The following ANK2 variants were observed in gnomAD, a reference collection of about 807,000 sequenced individuals.
ANK2 encodes the protein ankyrin 2, also known as ankyrin-2.
Under a neutral mutation model 360.5 loss-of-function variants are expected in ANK2, and 83 were observed. That is an observed-to-expected ratio of 0.23 (90% CI 0.19 to 0.28). The LOEUF is 0.28. Among genes scored for constraint, ANK2 ranks in the 10% least tolerant of loss-of-function variants. The pLI, the probability that ANK2 is intolerant of heterozygous loss-of-function variation, is 1.00. For missense variants in ANK2, 4,201 were observed against 4,795.7 expected (o/e 0.88, Z 3.66); for synonymous variants, 1,740 against 1,759.5 (o/e 0.99, Z 0.28).
intron 2 of ANK2, among the ~76,000 whole-genome samples, chr4:112,970,323 C>T (rs1321419461): frequency 1.3e-5 from 2 of 151,674 alleles, no homozygotes; most frequent in Non-Finnish European, 2.9e-5. Context: ...CATACATGCT[C>T]ATATATGTAA....
At chr4:113,192,863 T>C (rs549946654) in intron 2 of ANK2, among the ~76,000 whole-genome samples, 98 of 150,408 alleles carry the variant, frequency 6.5e-4, no homozygotes, top group African/African-American at 2.3e-3. Flanking sequence ...TTTTTTCTTC[T>C]CCCAGGCAAA....
intron 1 of ANK2, among the ~76,000 whole-genome samples, chr4:112,865,570 CAGTT>C (rs938974238): frequency 8.5e-5 from 13 of 152,122 alleles, no homozygotes; most frequent in South Asian, 6.2e-4. Flanking sequence ...GCTTACAAAA[CAGTT>C]AGGGAAAACA....
At chr4:113,162,839 T>C (rs1467352645) in intron 1 of ANK2, among the ~76,000 whole-genome samples, 1 of 151,984 alleles carries the variant, frequency 6.6e-6, no homozygotes, top group Admixed American at 6.6e-5. Flanking sequence ...CAGCGCCTGG[T>C]ACATAGTAGG....
intron 1 of ANK2, among the ~76,000 whole-genome samples, chr4:112,878,155 CATCTATCT>C (rs10525579): frequency 6.8e-6 from 1 of 147,642 alleles, no homozygotes; most frequent in South Asian, 2.2e-4. Context: ...ACTTTAGACT[CATCTATCT>C]ATCTATCTAT....
At chr4:112,938,528 C>A (rs2093947027) in intron 2 of ANK2, among the ~76,000 whole-genome samples, 1 of 152,002 alleles carries the variant, frequency 6.6e-6, no homozygotes, top group African/African-American at 2.4e-5. Flanking sequence ...TTGTTTTCCC[C>A]AAAATGATAT....
intron 2 of ANK2, among the ~76,000 whole-genome samples, chr4:112,939,109 T>C (rs940206658): frequency 3.3e-4 from 50 of 152,206 alleles, no homozygotes; most frequent in African/African-American, 1.2e-3. Flanking sequence ...AAAGTTAGTA[T>C]GCTAATATTG....
At chr4:112,739,841 A>G in the ANK2 span, among the ~76,000 whole-genome samples, 1 of 152,024 alleles carries the variant, frequency 6.6e-6, no homozygotes, top group Non-Finnish European at 1.5e-5. Flanking sequence ...GCGAAAACCC[A>G]TCTCTATTAA....
chr4:112,828,294 G>A (rs977973468), intron 1 of ANK2, among the ~76,000 whole-genome samples: 2 of 145,110 alleles, frequency 1.4e-5, no homozygotes, highest in Non-Finnish European at 3.0e-5. Context: ...GAGTGCAGTG[G>A]TATAATCTTG....
intron 1 of ANK2, among the ~76,000 whole-genome samples, chr4:113,061,585 C>T (rs866534826): frequency 3.3e-5 from 5 of 152,020 alleles, no homozygotes; most frequent in Admixed American, 6.6e-5. Flanking sequence ...CACGTACACA[C>T]GCACTTACAT....
At chr4:113,022,634 A>T (rs1280995699) in intron 2 of ANK2, among the ~76,000 whole-genome samples, 1 of 152,204 alleles carries the variant, frequency 6.6e-6, no homozygotes. Flanking sequence ...CTATTCTATT[A>T]ATCTTGCTGA....
At chr4:112,889,108 A>C (rs934026277) in intron 1 of ANK2, among the ~76,000 whole-genome samples, 4 of 152,170 alleles carry the variant, frequency 2.6e-5, no homozygotes, top group Non-Finnish European at 5.9e-5. Flanking sequence ...TCTCCTTAAA[A>C]ATCTCAATTT....
At chr4:112,821,220 A>T (rs1731827825) in intron 1 of ANK2, among the ~76,000 whole-genome samples, 1 of 151,626 alleles carries the variant, frequency 6.6e-6, no homozygotes, top group Non-Finnish European at 1.5e-5. Flanking sequence ...CGGCCCCTTA[A>T]ATGTTTTTTG....
chr4:113,238,748 C>T (rs1328087406), intron 7 of ANK2, among the ~76,000 whole-genome samples: 2 of 152,110 alleles, frequency 1.3e-5, no homozygotes, highest in African/African-American at 4.8e-5. Context: ...GAAACCCCTT[C>T]GTCTAATCCT....
the ANK2 span, among the ~76,000 whole-genome samples, chr4:112,743,989 T>G: frequency 1.3e-3 from 191 of 151,730 alleles, no homozygotes; most frequent in Non-Finnish European, 1.7e-3. Context: ...CCACCATGCC[T>G]GGCTAATTTT....
At chr4:113,376,670 T>C (rs757161653) in intron 45 of ANK2, among the ~76,000 whole-genome samples, 4 of 152,222 alleles carry the variant, frequency 2.6e-5, no homozygotes, top group Non-Finnish European at 4.4e-5. Flanking sequence ...TTGACTCTTT[T>C]GTAATAACAC....
At chr4:112,964,150 T>C (rs2036119197) in intron 2 of ANK2, among the ~76,000 whole-genome samples, 1 of 149,264 alleles carries the variant, frequency 6.7e-6, no homozygotes, top group South Asian at 2.2e-4. Flanking sequence ...ACGAGATACT[T>C]TGATACAGGC....
In ANK2 at chr4:113,174,463, G is replaced by A. The variant is rs150986299; in HGVS notation, c.132G>A (p.Leu44=). Residue 44 remains leucine (L), a synonymous_variant, in exon 2 of 46, where the codon CTG becomes CTA. Transcript: ENST00000357077. Reference sequence around the variant, plus strand: ...TCCGTGCTGCCAGAGCAGGCAACCTGGACAAAGTTGTGGAATATCTGAAGG... The same window carrying A: ...TCCGTGCTGCCAGAGCAGGCAACCTAGACAAAGTTGTGGAATATCTGAAGG... ...SFLRAARAGN[L]DKVVEYLKGG... 10 of 1,613,112 alleles carry A rather than the reference G, an allele frequency of 6.2e-6. No individual in the cohort carries two copies. The highest frequency in any genetic ancestry group is 1.6e-4 in the Middle Eastern group (1 of 6,080).
chr4:112,760,561 CTTTAAG>C, the ANK2 span, among the ~76,000 whole-genome samples: 11 of 147,832 alleles, frequency 7.4e-5, no homozygotes, highest in Non-Finnish European at 1.3e-4. Context: ...TATTATTATA[CTTTAAG>C]TTTTAGGGTA....
At chr4:113,187,554 C>T (rs186127852) in intron 2 of ANK2, among the ~76,000 whole-genome samples, 1 of 152,266 alleles carries the variant, frequency 6.6e-6, no homozygotes, top group Admixed American at 6.5e-5. Flanking sequence ...AAGCAAGTCC[C>T]GCAAACTGGG....
Sources: allele counts gnomAD v4.1 joint callset (sites outside exome capture counted in the v4.1 genomes callset), GRCh38; gene constraint gnomAD v4.1.1; transcripts MANE v1.5; gene names NCBI Gene and HGNC (gene_info 2026-07-23, HGNC 2026-07-21).